Variants in ELAPOR1 observed in about 807,000 individuals in gnomAD.
ELAPOR1 encodes endosome-lysosome associated apoptosis and autophagy regulator 1.
ELAPOR1 carries 77 observed loss-of-function variants against 119.7 expected under a neutral mutation model. The observed-to-expected ratio is 0.64, with a 90% CI of 0.54 to 0.78. The LOEUF (loss-of-function observed/expected upper bound fraction) is 0.78, where lower values mean the gene tolerates loss of function less well. Ranked by LOEUF, ELAPOR1 falls within the 30% of genes least tolerant of loss-of-function variation. The pLI, the probability that ELAPOR1 is intolerant of heterozygous loss-of-function variation, is 0.00. For synonymous variants in ELAPOR1, 481 were observed against 487.2 expected (o/e 0.99, Z 0.17); for missense variants, 1,115 against 1,270.4 (o/e 0.88, Z 1.86).
chr1:109,187,640 G>C (rs1302184237), intron 8 of ELAPOR1: 1 of 1,001,872 alleles, frequency 1.0e-6, no homozygotes, highest in Non-Finnish European at 1.2e-6. Flanking sequence ...CCAATGCAGG[G>C]GCCATGTTTC....
chr1:109,182,866 CA>C (rs60530937), intron 7 of ELAPOR1, among the ~76,000 whole-genome samples: 86,762 of 96,608 alleles, frequency 0.9, 39,017 homozygotes, highest in Middle Eastern at 0.96. Context: ...GACTCCATCT[CA>C]AAAAAAAAAA....
At chr1:109,138,074 A>C (rs1288777768) in intron 1 of ELAPOR1, among the ~76,000 whole-genome samples, 1 of 152,276 alleles carries the variant, frequency 6.6e-6, no homozygotes, top group East Asian at 1.9e-4. Context: ...TTCTGAAAGC[A>C]CCTACTCAGG....
chr1:109,161,774 C>T, intron 1 of ELAPOR1, 120 bp from the exon 2 acceptor site: 3 of 1,268,364 alleles, frequency 2.4e-6, no homozygotes, highest in Non-Finnish European at 3.3e-6. Context: ...TGCCCGGGGT[C>T]CCAGGGCCCA....
At chr1:109,192,972 C>A in intron 14 of ELAPOR1, 98 bp downstream of exon 14, 6 of 1,346,650 alleles carry the variant, frequency 4.5e-6, no homozygotes, top group Non-Finnish European at 6.1e-6. Flanking sequence ...GGCTGATACC[C>A]GAGTGCTCCC....
chr1:109,124,173 T>C (rs1298468670), intron 1 of ELAPOR1, among the ~76,000 whole-genome samples: 1 of 152,148 alleles, frequency 6.6e-6, no homozygotes, highest in Non-Finnish European at 1.5e-5. Context: ...TTTCATGCAA[T>C]AATATTGCAG....
chr1:109,197,330 T>C (rs1325545067), intron 15 of ELAPOR1, 144 bp from the exon 16 acceptor site: 5 of 712,548 alleles, frequency 7.0e-6, no homozygotes, highest in Non-Finnish European at 1.2e-5. Flanking sequence ...GTCTCGTCAT[T>C]AGACCTGGGA....
intron 7 of ELAPOR1, among the ~76,000 whole-genome samples, chr1:109,179,902 A>G (rs1288429788): frequency 9.2e-5 from 14 of 152,106 alleles, no homozygotes; most frequent in Admixed American, 6.5e-4. Context: ...GGGAAACTCC[A>G]TCTCAAAAAA....
chr1:109,173,408 G>C lies in ELAPOR1; in HGVS notation c.697-66G>C. ...GTAAGAGAAGTCATCCCAACAAGAG[G>C]CTATACCAACAGATTAGCGAGATTT... On this transcript the variant is annotated intron_variant, in intron 5 of 21. Coordinates refer to ENST00000369939, the MANE Select transcript of ELAPOR1 (RefSeq NM_020775.5). The C allele has an allele frequency of 2.3e-6, 3 of 1,318,200 alleles. No homozygotes were observed. The South Asian group carries it at 3.7e-5, about 16-fold the overall frequency. 81.7% of individuals were successfully genotyped at this position (1,318,200 alleles called of 1,614,324 possible). A position where few individuals can be genotyped will look rare whatever the true frequency, so the allele number is the denominator to read the frequency against.
At chr1:109,196,015 G>A (rs1653772434) in intron 15 of ELAPOR1, among the ~76,000 whole-genome samples, 1 of 152,124 alleles carries the variant, frequency 6.6e-6, no homozygotes, top group Non-Finnish European at 1.5e-5. Flanking sequence ...AATTAGCCCG[G>A]CATGGTGGCA....
intron 1 of ELAPOR1, among the ~76,000 whole-genome samples, chr1:109,147,866 G>A (rs922459127): frequency 3.3e-5 from 5 of 151,224 alleles, no homozygotes; most frequent in African/African-American, 9.7e-5. Context: ...GTCTTGCTCT[G>A]TTGCCCAGGC....
At chr1:109,197,688 AGTGTGTGTGT>A in intron 16 of ELAPOR1, 34 bp downstream of exon 16, 8 of 1,365,664 alleles carry the variant, frequency 5.9e-6, no homozygotes, top group African/African-American at 5.8e-5. Context: ...CTTGTTTGAG[AGTGTGTGTGT>A]GTGTGTGTGT....
chr1:109,171,760 A>G lies in ELAPOR1; in HGVS notation c.468-106A>G. The G allele has an allele frequency of 2.5e-6, 3 of 1,201,822 alleles. No individual in the cohort carries two copies. The South Asian group carries it at 4.5e-5, about 18-fold the overall frequency. 74.4% of individuals were successfully genotyped at this position (1,201,822 alleles called of 1,614,324 possible). On this transcript the variant is annotated intron_variant, in intron 3 of 21. Coordinates refer to ENST00000369939, the MANE Select transcript of ELAPOR1 (RefSeq NM_020775.5). The stretch of plus-strand genomic sequence containing the variant: ...GTCCAAGTTTCAGTTTGTGAATCAC[A>G]AGCCTGAAAATTCCCAAAGACCCAG...
At chr1:109,121,058 G>A (rs760835366) in intron 1 of ELAPOR1, among the ~76,000 whole-genome samples, 7 of 152,158 alleles carry the variant, frequency 4.6e-5, no homozygotes, top group Non-Finnish European at 7.4e-5. Context: ...CAAAAATAAC[G>A]CTTCGTATCC....
At chr1:109,124,456 A>G (rs921701776) in intron 1 of ELAPOR1, among the ~76,000 whole-genome samples, 2 of 152,238 alleles carry the variant, frequency 1.3e-5, no homozygotes, top group African/African-American at 4.8e-5. Context: ...AATTTATATA[A>G]CTAACCAATT....
At chr1:109,186,069 AG>A (rs1458516664) in intron 8 of ELAPOR1, among the ~76,000 whole-genome samples, 1 of 151,372 alleles carries the variant, frequency 6.6e-6, no homozygotes, top group East Asian at 1.9e-4. Flanking sequence ...AGTAAGTGGT[AG>A]GAAGGAAAAA....
intron 7 of ELAPOR1, among the ~76,000 whole-genome samples, chr1:109,177,616 C>A (rs1410542202): frequency 1.6e-4 from 25 of 151,602 alleles, no homozygotes; most frequent in Admixed American, 1.6e-3. Flanking sequence ...TTGTAGCGAG[C>A]CGAGATCACG....
chr1:109,191,285 G>A, intron 11 of ELAPOR1, 81 bp from the exon 12 acceptor site: 1 of 917,668 alleles, frequency 1.1e-6, no homozygotes, highest in Non-Finnish European at 1.8e-6. Context: ...CTGTCCCCCA[G>A]CAGACGCTCT....
At chr1:109,191,518 T>C in intron 12 of ELAPOR1, 47 bp downstream of exon 12, 1 of 1,531,948 alleles carries the variant, frequency 6.5e-7, no homozygotes. Context: ...AGGGGAGGGT[T>C]AGCCCCATCT....
rs77802949 is a variant in ELAPOR1 at position 109,206,561 on chromosome 1, C to T, written c.*3549C>T. The T allele has an allele frequency of 6.6e-6, 1 of 152,092 alleles. No homozygotes were observed. Among genetic ancestry groups the T allele is most frequent in the Non-Finnish European group, 1.5e-5 (1 of 68,000 alleles). The allele number at this position is 152,092 out of a possible 1,614,324, so 9.4% of individuals were successfully genotyped here. A position where few individuals can be genotyped will look rare whatever the true frequency, so the allele number is the denominator to read the frequency against. ...GCTTTTGTTTTTGTTTTAGTGCCAA[C>T]AAAACTTTTTTTTGTCTGACTACAT... On this transcript the variant is annotated 3_prime_UTR_variant, in exon 22 of 22. Transcript: ENST00000369939.
Sources: allele counts gnomAD v4.1 joint callset (sites outside exome capture counted in the v4.1 genomes callset), GRCh38; gene constraint gnomAD v4.1.1; transcripts MANE v1.5; gene names NCBI Gene and HGNC (gene_info 2026-07-23, HGNC 2026-07-21).